The following AUTS2 variants were observed in gnomAD, a reference collection of about 807,000 sequenced individuals.
AUTS2 encodes autism susceptibility gene 2 protein.
Under a neutral mutation model 112.4 loss-of-function variants are expected in AUTS2, and 17 were observed. The observed-to-expected ratio is 0.15, with a 90% CI of 0.10 to 0.23. The LOEUF is 0.23. AUTS2 is among the 10% of genes least tolerant of loss of function. The pLI is 1.00. For synonymous variants in AUTS2, 751 were observed against 702.7 expected, an observed-to-expected ratio of 1.07 and a Z score of -1.09; for missense variants, 1,510 against 1,701.6, an observed-to-expected ratio of 0.89 and a Z score of 1.98.
At chr7:70,320,026 A>G (rs1790179528) in intron 4 of AUTS2, among the ~76,000 whole-genome samples, 1 of 152,226 alleles carries the variant, frequency 6.6e-6, no homozygotes, top group Non-Finnish European at 1.5e-5. Flanking sequence ...GAGCACTTTA[A>G]TCATTTATTA....
chr7:70,377,972 G>C (rs1464599727), intron 4 of AUTS2, among the ~76,000 whole-genome samples: 1 of 151,644 alleles, frequency 6.6e-6, no homozygotes, highest in East Asian at 1.9e-4. Context: ...TAGAGACGGG[G>C]TTTCACCGTG....
chr7:70,324,425 C>T (rs1790393528), intron 4 of AUTS2, among the ~76,000 whole-genome samples: 1 of 152,106 alleles, frequency 6.6e-6, no homozygotes, highest in East Asian at 1.9e-4. Flanking sequence ...AGTTCAAGAC[C>T]AGCCTGGGCA....
chr7:70,749,352 C>T (rs796112896), intron 6 of AUTS2, among the ~76,000 whole-genome samples: 50 of 152,108 alleles, frequency 3.3e-4, no homozygotes, highest in African/African-American at 1.2e-3. Context: ...CAGGGCTGGG[C>T]GGCACGGGGA....
chr7:70,676,154 A>C (rs967303473), intron 5 of AUTS2, among the ~76,000 whole-genome samples: 5 of 152,336 alleles, frequency 3.3e-5, no homozygotes, highest in African/African-American at 1.2e-4. Flanking sequence ...GAAGAATAAG[A>C]TATAGGCCAG....
intron 6 of AUTS2, among the ~76,000 whole-genome samples, chr7:70,733,839 G>A (rs990242712): frequency 3.3e-5 from 5 of 151,986 alleles, no homozygotes; most frequent in African/African-American, 9.6e-5. Context: ...CTCCTGCTTC[G>A]GCCTCCAAAA....
intron 4 of AUTS2, among the ~76,000 whole-genome samples, chr7:70,275,390 G>A (rs889989949): frequency 6.6e-6 from 1 of 152,160 alleles, no homozygotes; most frequent in African/African-American, 2.4e-5. Context: ...CCAGGAACTG[G>A]GAAGAACAGT....
chr7:70,163,352 G>T (rs990040611), intron 4 of AUTS2, among the ~76,000 whole-genome samples: 1 of 96,800 alleles, frequency 1.0e-5, no homozygotes, highest in Admixed American at 1.0e-4. Flanking sequence ...GGTGGGGGGG[G>T]GGGGGGCAGA....
intron 4 of AUTS2, among the ~76,000 whole-genome samples, chr7:70,172,476 T>A (rs1808754622): frequency 6.6e-6 from 1 of 152,242 alleles, no homozygotes; most frequent in Admixed American, 6.5e-5. Flanking sequence ...TCAGATTCTA[T>A]GCAATGGTTC....
intron 1 of AUTS2, among the ~76,000 whole-genome samples, chr7:69,813,044 C>T (rs971154201): frequency 6.6e-6 from 1 of 152,154 alleles, no homozygotes; most frequent in Non-Finnish European, 1.5e-5. Context: ...AATTCAAAGA[C>T]CTTACTTACC....
At chr7:70,245,422 C>A (rs545116783) in intron 4 of AUTS2, among the ~76,000 whole-genome samples, 1 of 151,938 alleles carries the variant, frequency 6.6e-6, no homozygotes, top group African/African-American at 2.4e-5. Context: ...ATTTGCCTTG[C>A]GAATACTTAC....
intron 2 of AUTS2, among the ~76,000 whole-genome samples, chr7:69,952,366 G>C (rs1453430341): frequency 6.6e-6 from 1 of 152,170 alleles, no homozygotes; most frequent in Non-Finnish European, 1.5e-5. Flanking sequence ...AGCAGCATGT[G>C]TCCTGGGACT....
At chr7:70,096,085 C>T (rs1287330141) in intron 2 of AUTS2, among the ~76,000 whole-genome samples, 1 of 152,100 alleles carries the variant, frequency 6.6e-6, no homozygotes, top group Non-Finnish European at 1.5e-5. Flanking sequence ...TGGGATTTGT[C>T]AACCTCTCTG....
At chr7:69,727,759 G>A (rs1786587557) in intron 1 of AUTS2, among the ~76,000 whole-genome samples, 1 of 152,084 alleles carries the variant, frequency 6.6e-6, no homozygotes, top group Non-Finnish European at 1.5e-5. Flanking sequence ...GCAGTAGTGT[G>A]AATCCTCCCA....
chr7:70,134,386 G>A (rs144635400), intron 3 of AUTS2, 150 bp from the exon 4 acceptor site: 1 of 659,412 alleles, frequency 1.5e-6, no homozygotes, highest in East Asian at 2.6e-5. Flanking sequence ...CACGGTGTTT[G>A]TATCAGTAGC....
chr7:69,654,900 T>C (rs1202437968), intron 1 of AUTS2, among the ~76,000 whole-genome samples: 1 of 152,182 alleles, frequency 6.6e-6, no homozygotes, highest in Non-Finnish European at 1.5e-5. Context: ...GGTCAAATAA[T>C]AGGGCTCCTG....
At chr7:69,795,381 A>G (rs1377826535) in intron 1 of AUTS2, among the ~76,000 whole-genome samples, 2 of 152,208 alleles carry the variant, frequency 1.3e-5, no homozygotes, top group African/African-American at 4.8e-5. Context: ...GTTGTGAATC[A>G]GAAAGTTAAC....
chr7:70,652,331 A>G (rs1351423850), intron 5 of AUTS2, among the ~76,000 whole-genome samples: 1 of 149,010 alleles, frequency 6.7e-6, no homozygotes, highest in East Asian at 1.9e-4. Flanking sequence ...ACTTAACACC[A>G]GCAAAAGTAC....
intron 14 of AUTS2, 126 bp from the exon 15 acceptor site, chr7:70,781,489 T>A (rs1390678939): frequency 8.5e-7 from 1 of 1,176,488 alleles, no homozygotes; most frequent in Non-Finnish European, 1.2e-6. Context: ...GTAGCTGCTT[T>A]CTCTCACAGT....
At chr7:69,987,835 A>G (rs1798575891) in intron 2 of AUTS2, among the ~76,000 whole-genome samples, 1 of 152,172 alleles carries the variant, frequency 6.6e-6, no homozygotes, top group South Asian at 2.1e-4. Context: ...TAAAATATCT[A>G]GTTCATTTTC....
Sources: allele counts gnomAD v4.1 joint callset (sites outside exome capture counted in the v4.1 genomes callset), GRCh38; gene constraint gnomAD v4.1.1; transcripts MANE v1.5; gene names NCBI Gene and HGNC (gene_info 2026-07-23, HGNC 2026-07-21).